The following NTAQ1 variants were observed in gnomAD, a reference collection of about 807,000 sequenced individuals.
NTAQ1 encodes protein N-terminal glutamine amidohydrolase.
In NTAQ1, 21 loss-of-function variants were observed where a neutral mutation model predicts 28.2. The ratio of observed to expected loss-of-function variants is 0.74; its 90% confidence interval spans 0.53 to 1.07. NTAQ1 has a LOEUF of 1.07. Ranked by LOEUF, NTAQ1 falls within the 50% of genes least tolerant of loss-of-function variation. NTAQ1 has a pLI of 0.00. For synonymous variants in NTAQ1, 105 were observed against 90.0 expected (o/e 1.17, Z -0.94); for missense variants, 264 against 256.6 (o/e 1.03, Z -0.20).
At chr8:123,423,496 A>G (rs1371089088) in intron 1 of NTAQ1, among the ~76,000 whole-genome samples, 1 of 147,442 alleles carries the variant, frequency 6.8e-6, no homozygotes. Context: ...GGCTGGTTTC[A>G]AACTCCTGAG....
chr8:123,470,707 A>G (rs1246786969), downstream of NTAQ1, among the ~76,000 whole-genome samples: 2 of 152,160 alleles, frequency 1.3e-5, no homozygotes, highest in Non-Finnish European at 2.9e-5. Flanking sequence ...TTATTTTCCC[A>G]CAGTTCTGGA....
At chr8:123,452,891 C>CA (rs35777761), downstream of NTAQ1, among the ~76,000 whole-genome samples, 13 of 151,814 alleles carry the variant, frequency 8.6e-5, no homozygotes, top group East Asian at 5.8e-4. Flanking sequence ...AACTCCCTCT[C>CA]AAAAAAAACA....
At chr8:123,433,699 C>T (rs189531892) in intron 3 of NTAQ1, among the ~76,000 whole-genome samples, 78 of 152,238 alleles carry the variant, frequency 5.1e-4, no homozygotes, top group Admixed American at 1.1e-3. Context: ...CCACCTGCCT[C>T]GGCCTCCCAA....
At chr8:123,461,148 C>T (rs992792285) in intron 6 of NTAQ1, among the ~76,000 whole-genome samples, 8 of 152,172 alleles carry the variant, frequency 5.3e-5, no homozygotes, top group Admixed American at 6.5e-5. Flanking sequence ...GAGCAGCCTT[C>T]AGCCCTGATG....
intron 3 of NTAQ1, among the ~76,000 whole-genome samples, chr8:123,432,747 T>G (rs2130260678): frequency 6.8e-6 from 1 of 147,774 alleles, no homozygotes; most frequent in South Asian, 2.4e-4. Context: ...TGGTGTGATC[T>G]CGGCTCACTG....
upstream of NTAQ1, chr8:123,416,730 C>A (rs961792487): frequency 5.2e-6 from 5 of 966,682 alleles, no homozygotes; most frequent in Admixed American, 3.8e-5. Context: ...CCGGCCCTCT[C>A]CCCCCGGGCT....
intron 1 of NTAQ1, among the ~76,000 whole-genome samples, chr8:123,421,255 A>ATTTTTCTTTTCT (rs1305939191): frequency 6.6e-6 from 1 of 151,330 alleles, no homozygotes; most frequent in East Asian, 2.0e-4. Context: ...TAATTTTTAT[A>ATTTTTCTTTTCT]TTTTTTGTAG....
chr8:123,432,945 G>A (rs1024548252), intron 3 of NTAQ1, among the ~76,000 whole-genome samples: 7 of 152,176 alleles, frequency 4.6e-5, no homozygotes, highest in African/African-American at 1.7e-4. Flanking sequence ...CTCCCAAATT[G>A]CTGGGAGTAC....
downstream of NTAQ1, among the ~76,000 whole-genome samples, chr8:123,446,463 A>G (rs1815291868): frequency 6.6e-6 from 1 of 152,248 alleles, no homozygotes; most frequent in Non-Finnish European, 1.5e-5. Flanking sequence ...GTAAATGAAT[A>G]GGTGTGGCTG....
At chr8:123,449,144 G>C (rs78129996), downstream of NTAQ1, among the ~76,000 whole-genome samples, 2 of 152,170 alleles carry the variant, frequency 1.3e-5, no homozygotes, top group African/African-American at 4.8e-5. Context: ...CTGATTTTCC[G>C]TAGAACAGTG....
chr8:123,451,310 C>A (rs890088805), downstream of NTAQ1, among the ~76,000 whole-genome samples: 3 of 152,302 alleles, frequency 2.0e-5, no homozygotes, highest in Admixed American at 2.0e-4. Context: ...CTGAAATGAT[C>A]TTGCACACTT....
intron 5 of NTAQ1, among the ~76,000 whole-genome samples, chr8:123,439,470 G>A (rs1198145292): frequency 6.6e-6 from 1 of 151,734 alleles, no homozygotes; most frequent in Non-Finnish European, 1.5e-5. Flanking sequence ...AGCCTCCTGA[G>A]TAGCTGGGAC....
At chr8:123,423,948 T>A (rs892840722) in intron 1 of NTAQ1, among the ~76,000 whole-genome samples, 1 of 151,672 alleles carries the variant, frequency 6.6e-6, no homozygotes, top group Non-Finnish European at 1.5e-5. Flanking sequence ...AGTCGTGCAA[T>A]CTTGGCTTAT....
At chr8:123,471,432 A>G (rs942388201), downstream of NTAQ1, among the ~76,000 whole-genome samples, 4 of 152,202 alleles carry the variant, frequency 2.6e-5, no homozygotes, top group South Asian at 4.1e-4. Flanking sequence ...TTCCGTCTCT[A>G]TAGATAGAAA....
At chr8:123,441,280 CA>C (rs780364755) in intron 5 of NTAQ1, 25 bp from the exon 6 acceptor site, 1 of 1,555,346 alleles carries the variant, frequency 6.4e-7, no homozygotes, top group Non-Finnish European at 8.8e-7. Flanking sequence ...TTTCAGTGGA[CA>C]TTTTTTTTTC....
downstream of NTAQ1, among the ~76,000 whole-genome samples, chr8:123,449,634 T>A (rs1232520094): frequency 6.6e-6 from 1 of 151,860 alleles, no homozygotes; most frequent in East Asian, 1.9e-4. Context: ...GGAAGATTGG[T>A]TGCTATTTAC....
chr8:123,427,883 G>T, intron 1 of NTAQ1, 41 bp from the exon 2 acceptor site: 1 of 1,489,582 alleles, frequency 6.7e-7, no homozygotes, highest in South Asian at 1.2e-5. Flanking sequence ...AAGACACATA[G>T]AATGTTCTCT....
chr8:123,417,036 C>G (rs1449406986), intron 1 of NTAQ1, 104 bp downstream of exon 1: 1 of 1,180,250 alleles, frequency 8.5e-7, no homozygotes, highest in Non-Finnish European at 1.1e-6. Flanking sequence ...CGCTCCCGGC[C>G]TCTACCGGCG....
rs1815030660 is a variant in NTAQ1, at chr8:123,440,982, C to T, written c.509-324C>T. On this transcript the variant is annotated intron_variant, in intron 5 of 5. Coordinates refer to ENST00000287387, the MANE Select transcript of NTAQ1 (RefSeq NM_018024.3). ...ACCCACCGCTTCTTGGTGCTTCTTTCCCTGGCCTCATGAAGTTTCGTTCCA... is the reference window on the plus strand; with the variant it reads ...ACCCACCGCTTCTTGGTGCTTCTTTTCCTGGCCTCATGAAGTTTCGTTCCA... Among the ~76,000 whole-genome samples the T allele has an allele frequency of 2.6e-5, 4 of 152,154 alleles. No individual in the cohort carries two copies. The South Asian group carries it at 6.2e-4, about 24-fold the overall frequency.
Sources: allele counts gnomAD v4.1 joint callset (sites outside exome capture counted in the v4.1 genomes callset), GRCh38; gene constraint gnomAD v4.1.1; transcripts MANE v1.5; gene names NCBI Gene and HGNC (gene_info 2026-07-23, HGNC 2026-07-21).